CADM3: variants seen among roughly 807,000 people sequenced by gnomAD.
The protein encoded by CADM3 is cell adhesion molecule 3, also known as TSLC1-like 1.
CADM3 carries 11 observed loss-of-function variants against 44.9 expected under a neutral mutation model. The ratio of observed to expected loss-of-function variants is 0.25; its 90% CI spans 0.15 to 0.41. The LOEUF is 0.41. Ranked by LOEUF, CADM3 falls within the 10% of genes least tolerant of loss-of-function variation. CADM3 has a pLI of 1.00. For synonymous variants in CADM3, 207 were observed against 205.2 expected, an observed-to-expected ratio of 1.01 and a Z score of -0.08; for missense variants, 426 against 512.0, an observed-to-expected ratio of 0.83 and a Z score of 1.62.
chr1:159,182,084 A>G (rs552790909), intron 1 of CADM3, among the ~76,000 whole-genome samples: 33 of 145,176 alleles, frequency 2.3e-4, no homozygotes, highest in Non-Finnish European at 2.5e-4. Flanking sequence ...ACACACACAC[A>G]CACGCACACA....
chr1:159,190,214 G>T (rs1649590657), intron 1 of CADM3, among the ~76,000 whole-genome samples: 1 of 152,150 alleles, frequency 6.6e-6, no homozygotes, highest in African/African-American at 2.4e-5. Flanking sequence ...GGGATGACTG[G>T]TCAAAAATTG....
intron 5 of CADM3, chr1:159,195,624 T>C (rs1194952555): frequency 6.6e-6 from 1 of 152,320 alleles, no homozygotes; most frequent in Non-Finnish European, 1.5e-5. Context: ...TGATTCTCTA[T>C]GTCCCATTTG....
Position 159,191,473 on chromosome 1 carries a change from C to T in CADM3, c.89-463C>T, listed in dbSNP as rs116312292. Reference sequence around the variant, plus strand: ...TCCAAGAGCTGGTTTAGCCTTTTCCCCATTTTAGTTTTAGGATTATTAGTC... The same window carrying T: ...TCCAAGAGCTGGTTTAGCCTTTTCCTCATTTTAGTTTTAGGATTATTAGTC... On this transcript the variant is annotated intron_variant, in intron 1 of 8. Coordinates refer to ENST00000368125, the MANE Select transcript of CADM3 (RefSeq NM_001127173.3). 6.7e-3 allele frequency among the ~76,000 whole-genome samples: 1,020 copies of T among 152,288 alleles called. 6 individuals carry two copies. Among genetic ancestry groups the T allele is most frequent in the South Asian group, 0.017 (81 of 4,828 alleles).
At chr1:159,181,453 A>T (rs2102101819) in intron 1 of CADM3, among the ~76,000 whole-genome samples, 1 of 152,204 alleles carries the variant, frequency 6.6e-6, no homozygotes, top group South Asian at 2.1e-4. Context: ...TCAGGGGCCT[A>T]CTCCAAAACA....
chr1:159,189,183 T>C (rs1021643653), intron 1 of CADM3, among the ~76,000 whole-genome samples: 4 of 152,372 alleles, frequency 2.6e-5, no homozygotes, highest in Admixed American at 6.5e-5. Context: ...ATTGAATTTC[T>C]AGTCTTCATC....
chr1:159,196,822 A>ATTTTTT, intron 6 of CADM3, 69 bp from the exon 7 acceptor site: 1 of 1,138,480 alleles, frequency 8.8e-7, no homozygotes, highest in Non-Finnish European at 1.2e-6. Context: ...GCTCCCAGTT[A>ATTTTTT]TTTTTTTTTT....
At chr1:159,171,972 C>T (rs1280369398) in intron 1 of CADM3, 119 bp downstream of exon 1, 6 of 533,656 alleles carry the variant, frequency 1.1e-5, no homozygotes, top group African/African-American at 2.0e-5. Flanking sequence ...TTAAAGTCAC[C>T]AGCCGCTGCT....
intron 1 of CADM3, among the ~76,000 whole-genome samples, chr1:159,186,987 C>T (rs1392125982): frequency 6.6e-6 from 1 of 152,174 alleles, no homozygotes; most frequent in Admixed American, 6.5e-5. Context: ...TTTGAATGAT[C>T]TACATCACTA....
chr1:159,203,007 T>C lies in CADM3; in HGVS notation c.*2085T>C, dbSNP rs904752981. The C allele has an allele frequency of 2.3e-4, 20 of 88,694 alleles. No individual in the cohort carries two copies. The highest frequency in any genetic ancestry group is 9.0e-4 in the African/African-American group (20 of 22,214). 5.5% of individuals were successfully genotyped at this position (88,694 alleles called of 1,614,324 possible). ...GGGGTGGGAGGGAGAGGGGCTGTTG[T>C]GCTGTGTGTGTCTGTCCAGGGGTGG... On this transcript the variant is annotated 3_prime_UTR_variant, in exon 9 of 9. Coordinates refer to ENST00000368125, the MANE Select transcript of CADM3 (RefSeq NM_001127173.3).
intron 4 of CADM3, 37 bp downstream of exon 4, chr1:159,193,597 G>A: frequency 6.2e-7 from 1 of 1,613,850 alleles, no homozygotes; most frequent in African/African-American, 1.3e-5. Flanking sequence ...AGGAGAAAGT[G>A]GTGCTGGAAA....
intron 1 of CADM3, 92 bp from the exon 2 acceptor site, chr1:159,191,844 G>C (rs1649674602): frequency 8.0e-6 from 12 of 1,491,052 alleles, no homozygotes; most frequent in Non-Finnish European, 9.2e-6. Flanking sequence ...AAGGGCCTTG[G>C]ATGGTCTGAA....
rs1262081072 is a variant in CADM3 at position 159,200,856 on chromosome 1, C to T, written c.1131C>T (p.Asp377=). ...GCTCCGACGATGCTCCAGACGCGGA[C>T]ACGGCCATCATCAATGCAGAAGGCG... is the stretch of plus-strand genomic sequence containing the variant. ...AKGSDDAPDA[D]TAIINAEGGQ... Residue 377 remains aspartate, a synonymous_variant, in exon 9 of 9, where the codon GAC becomes GAT. Transcript: ENST00000368125. The T allele has an allele frequency of 2.5e-6, 4 of 1,611,474 alleles. No homozygotes were observed. Among genetic ancestry groups the T allele is most frequent in the Non-Finnish European group, 2.5e-6 (3 of 1,178,748 alleles).
At chr1:159,175,247 T>C (rs1424492610) in intron 1 of CADM3, among the ~76,000 whole-genome samples, 1 of 152,238 alleles carries the variant, frequency 6.6e-6, no homozygotes, top group Non-Finnish European at 1.5e-5. Context: ...GGATATGCTC[T>C]CCTTTTAGAC....
chr1:159,172,509 A>G (rs756227587), intron 1 of CADM3, among the ~76,000 whole-genome samples: 1 of 152,072 alleles, frequency 6.6e-6, no homozygotes, highest in African/African-American at 2.4e-5. Context: ...CCAGGATGGC[A>G]ATATCCCTGG....
rs547141122 is a variant in CADM3, at chr1:159,197,159, G to C, written c.952+99G>C. 29 of 1,319,862 alleles carry C rather than the reference G, an allele frequency of 2.2e-5. No individual in the cohort carries two copies. The Admixed American group carries it at 2.3e-4, about 11-fold the overall frequency. 81.8% of individuals were successfully genotyped at this position (1,319,862 alleles called of 1,614,324 possible). A position where few individuals can be genotyped will look rare whatever the true frequency, so the allele number is the denominator to read the frequency against. On this transcript the variant is annotated intron_variant, in intron 7 of 8. Coordinates refer to ENST00000368125, the MANE Select transcript of CADM3 (RefSeq NM_001127173.3). ...CCTGATAACATCCCCAAACTGTGAC[G>C]GGGAGTGGAGTAAAGGAAAACCAGC...
At chr1:159,200,543 CACACACACACACTT>C (rs1445297426) in intron 8 of CADM3, among the ~76,000 whole-genome samples, 3 of 139,844 alleles carry the variant, frequency 2.1e-5, no homozygotes, top group Non-Finnish European at 5.0e-5. Context: ...CACACACACA[CACACACACACACTT>C]CTCTTTCTTG....
Position 159,174,396 on chromosome 1 carries a change from A to G in CADM3, c.88+2543A>G, listed in dbSNP as rs1571002180. ...GAGTTGGCCTGGGGCCCCTAGGAAG[A>G]GAACTAGGCAATATGTATATGTATC... On this transcript the variant is annotated intron_variant, in intron 1 of 8. Coordinates refer to ENST00000368125, the MANE Select transcript of CADM3 (RefSeq NM_001127173.3). Among the ~76,000 whole-genome samples the G allele has an allele frequency of 2.0e-5, 3 of 152,334 alleles. 1 individual carries two copies. In the Middle Eastern group the frequency reaches 0.01, roughly 518 times the overall value.
intron 1 of CADM3, among the ~76,000 whole-genome samples, chr1:159,182,258 T>C (rs766605771): frequency 3.4e-4 from 51 of 152,198 alleles, no homozygotes; most frequent in Non-Finnish European, 1.2e-4. Context: ...CTCTTCATCA[T>C]AACCAAACTT....
rs765427974 is a variant in CADM3 at position 159,192,564 on chromosome 1, C to T, written c.230-14C>T. 1.2e-6 allele frequency: 2 copies of T among 1,614,126 alleles called. No individual in the cohort carries two copies. Among genetic ancestry groups the T allele is most frequent in the South Asian group, 1.1e-5 (1 of 91,060 alleles). On this transcript the variant is annotated splice_polypyrimidine_tract_variant and intron_variant, in intron 2 of 8. Coordinates refer to ENST00000368125, the MANE Select transcript of CADM3 (RefSeq NM_001127173.3). ...CAGTAAAATCCTAGCTTTCCATTCT[C>T]TTGATTTCCCCAGCCCTTCGAGATA... is the stretch of plus-strand genomic sequence containing the variant.
Sources: gnomAD v4.1 joint callset for allele counts (sites outside exome capture counted in the v4.1 genomes callset) on GRCh38, gnomAD v4.1.1 for gene constraint, MANE v1.5 for transcripts, NCBI Gene and HGNC (gene_info 2026-07-23, HGNC 2026-07-21) for gene names.